METTL8: variants seen among roughly 807,000 people sequenced by gnomAD.
METTL8 encodes methyltransferase 8, tRNA N3-cytidine, also known as tRNA N(3)-cytidine methyltransferase METTL8, mitochondrial.
Under a neutral mutation model 48.7 loss-of-function variants are expected in METTL8, and 32 were observed. That is an observed-to-expected ratio of 0.66 (90% CI 0.50 to 0.88). The LOEUF is 0.88. Ranked by LOEUF, METTL8 falls within the 40% of genes least tolerant of loss-of-function variation. The pLI, the probability that METTL8 is intolerant of heterozygous loss-of-function variation, is 0.00. For synonymous variants in METTL8, 136 were observed against 157.1 expected, an observed-to-expected ratio of 0.87 and a Z score of 1.01; for missense variants, 464 against 474.4, an observed-to-expected ratio of 0.98 and a Z score of 0.20.
chr2:171,369,266 A>C lies in METTL8; in HGVS notation c.144-8753T>G, dbSNP rs1009314152. On this transcript the variant is annotated intron_variant, in intron 2 of 9. Transcript: ENST00000375258. The stretch of plus-strand genomic sequence containing the variant: ...GCTTGCAGTGAGCCGAGATCGCGCC[A>C]CTGTACTCCAGCCTGGGCAAGAGAG... 3.0e-4 allele frequency among the ~76,000 whole-genome samples: 45 copies of C among 152,234 alleles called. 1 individual carries two copies. The highest frequency in any genetic ancestry group is 4.6e-4 in the Admixed American group (7 of 15,286).
chr2:171,432,977 T>C (rs1361615180), intron 1 of METTL8: 1 of 152,238 alleles, frequency 6.6e-6, no homozygotes, highest in Admixed American at 6.5e-5. Context: ...ATGGGAGCTA[T>C]ACATACATTT....
chr2:171,383,799 T>C (rs1386172210), intron 2 of METTL8, among the ~76,000 whole-genome samples: 1 of 152,178 alleles, frequency 6.6e-6, no homozygotes, highest in Non-Finnish European at 1.5e-5. Context: ...CCCTCCAAAA[T>C]TGATAAATGT....
intron 6 of METTL8, among the ~76,000 whole-genome samples, chr2:171,331,588 TTTA>T (rs1685538775): frequency 6.6e-6 from 1 of 152,030 alleles, no homozygotes; most frequent in Admixed American, 6.5e-5. Context: ...AGCTAATTTT[TTTA>T]TTTTTAGTAG....
At chr2:171,358,947 T>C (rs181839656) in intron 3 of METTL8, among the ~76,000 whole-genome samples, 14 of 152,210 alleles carry the variant, frequency 9.2e-5, no homozygotes, top group African/African-American at 2.2e-4. Context: ...AATGGGAATA[T>C]ATTAAGGAGC....
At chr2:171,355,228 G>A (rs1322414673) in intron 3 of METTL8, among the ~76,000 whole-genome samples, 1 of 152,208 alleles carries the variant, frequency 6.6e-6, no homozygotes, top group African/African-American at 2.4e-5. Flanking sequence ...ATTTGCTGGA[G>A]GTCCACTCCG....
chr2:171,427,965 G>A lies in METTL8; in HGVS notation c.-13+5918C>T, dbSNP rs535430114. ...TAAATGTTCAAGTTTAATAACCTGA[G>A]TATTTTATACATTTATTCAGTTATA... On this transcript the variant is annotated intron_variant, in intron 1 of 9. Transcript: ENST00000375258. Among the ~76,000 whole-genome samples, 7 of 152,214 alleles carry A rather than the reference G, an allele frequency of 4.6e-5. No individual in the cohort carries two copies. In the East Asian group the frequency reaches 1.4e-3, roughly 29 times the overall value.
At chr2:171,335,050 A>C (rs1685942314) in intron 5 of METTL8, among the ~76,000 whole-genome samples, 1 of 152,234 alleles carries the variant, frequency 6.6e-6, no homozygotes, top group Non-Finnish European at 1.5e-5. Flanking sequence ...GTGTATTATA[A>C]GCTCAGAGAC....
intron 1 of METTL8, chr2:171,433,147 TCAGA>T (rs1693300708): frequency 6.6e-6 from 1 of 152,176 alleles, no homozygotes; most frequent in Non-Finnish European, 1.5e-5. Context: ...ACACTCACAC[TCAGA>T]CAGGAAACAC....
chr2:171,365,300 T>C (rs148614727), intron 2 of METTL8, among the ~76,000 whole-genome samples: 1 of 152,328 alleles, frequency 6.6e-6, no homozygotes, highest in East Asian at 1.9e-4. Context: ...AGATCTTAAG[T>C]AGTATAGAGA....
chr2:171,391,503 T>C (rs1028058770), intron 2 of METTL8, among the ~76,000 whole-genome samples: 5 of 152,238 alleles, frequency 3.3e-5, no homozygotes, highest in African/African-American at 1.2e-4. Flanking sequence ...ATATGGCATA[T>C]AGTCTGTAAC....
Position 171,325,809 on chromosome 2 carries a change from G to A in METTL8, c.1033+32C>T, listed in dbSNP as rs765579106. ...GATAATAACTAACAAGAACGATTATGACCAATTATTTCCTTTTGTAGATTA... is the reference window on the plus strand; with the variant it reads ...GATAATAACTAACAAGAACGATTATAACCAATTATTTCCTTTTGTAGATTA... On this transcript the variant is annotated intron_variant, in intron 9 of 9. Transcript: ENST00000375258. The A allele has an allele frequency of 8.5e-6, 11 of 1,297,794 alleles. No individual in the cohort carries two copies. The East Asian group carries it at 1.9e-4, about 22-fold the overall frequency. The allele number at this position is 1,297,794 out of a possible 1,614,324, so 80.4% of individuals were successfully genotyped here.
chr2:171,412,571 T>C (rs1299099275), intron 1 of METTL8, among the ~76,000 whole-genome samples: 1 of 151,428 alleles, frequency 6.6e-6, no homozygotes, highest in Non-Finnish European at 1.5e-5. Flanking sequence ...TATCAACATA[T>C]TATTTGCCTT....
intron 1 of METTL8, among the ~76,000 whole-genome samples, chr2:171,401,407 A>C (rs1275957275): frequency 2.0e-5 from 3 of 152,190 alleles, no homozygotes; most frequent in Non-Finnish European, 4.4e-5. Context: ...GGTATAAATA[A>C]GGTTATTAGC....
intron 1 of METTL8, among the ~76,000 whole-genome samples, chr2:171,408,527 C>T (rs545671185): frequency 3.9e-5 from 6 of 152,126 alleles, no homozygotes; most frequent in Admixed American, 6.5e-5. Context: ...CCCGATCTCA[C>T]GTGATCCACC....
intron 2 of METTL8, chr2:171,375,347 T>C: frequency 1.5e-6 from 1 of 666,108 alleles, no homozygotes; most frequent in Non-Finnish European, 2.7e-6. Context: ...GTTAGCATAG[T>C]GGTGAGTAAA....
At chr2:171,381,245 A>C (rs1210830131) in intron 2 of METTL8, among the ~76,000 whole-genome samples, 1 of 152,246 alleles carries the variant, frequency 6.6e-6, no homozygotes, top group Non-Finnish European at 1.5e-5. Context: ...GACCTTATTC[A>C]AAAATTAGCT....
At position 171,332,440 on chromosome 2, in the gene METTL8, G is replaced by A. The variant is rs73021062; in HGVS notation, c.657-573C>T. 3.5e-3 allele frequency: 540 copies of A among 152,580 alleles called. 1 individual carries two copies. Among genetic ancestry groups the A allele is most frequent in the Non-Finnish European group, 5.2e-3 (353 of 68,296 alleles). The allele number at this position is 152,580 out of a possible 1,614,324, so 9.5% of individuals were successfully genotyped here. A position where few individuals can be genotyped will look rare whatever the true frequency, so the allele number is the denominator to read the frequency against. ...GAACTACATACAGATGTATGCCACTGTGCCTGGCCAATAGGTGGTATGATT... is the reference window on the plus strand; with the variant it reads ...GAACTACATACAGATGTATGCCACTATGCCTGGCCAATAGGTGGTATGATT... On this transcript the variant is annotated intron_variant, in intron 5 of 9. Transcript: ENST00000375258.
chr2:171,342,560 T>C (rs2105427883), intron 3 of METTL8, among the ~76,000 whole-genome samples: 1 of 152,212 alleles, frequency 6.6e-6, no homozygotes, highest in South Asian at 2.1e-4. Flanking sequence ...GGAGAAATTA[T>C]AAAAGAGTCA....
At chr2:171,434,255 G>C (rs754795856), upstream of METTL8, 7 of 504,942 alleles carry the variant, frequency 1.4e-5, no homozygotes, top group Non-Finnish European at 2.3e-5. Flanking sequence ...CGAGGCACTA[G>C]GAACTACATT....
Sources: gnomAD v4.1 joint callset for allele counts (sites outside exome capture counted in the v4.1 genomes callset) on GRCh38, gnomAD v4.1.1 for gene constraint, MANE v1.5 for transcripts, NCBI Gene and HGNC (gene_info 2026-07-23, HGNC 2026-07-21) for gene names.